The following ATXN3 variants were observed in gnomAD, a reference collection of about 807,000 sequenced individuals.
ATXN3 encodes the protein ataxin 3, also known as ataxin-3.
In ATXN3, 28 loss-of-function variants were observed where a neutral mutation model predicts 58.2. The ratio of observed to expected loss-of-function variants is 0.48; its 90% CI spans 0.36 to 0.66. ATXN3 has a LOEUF of 0.66. Ranked by LOEUF, ATXN3 falls within the 30% of genes least tolerant of loss-of-function variation. ATXN3 has a pLI of 0.00. For missense variants in ATXN3, 321 were observed against 422.1 expected (o/e 0.76, Z 2.10); for synonymous variants, 113 against 138.5 (o/e 0.82, Z 1.29).
At chr14:92,093,004 C>T (rs1365943759) in intron 5 of ATXN3, among the ~76,000 whole-genome samples, 4 of 150,884 alleles carry the variant, frequency 2.7e-5, no homozygotes, top group African/African-American at 9.7e-5. Flanking sequence ...GCTGGAATTA[C>T]AGATGTGAGC....
chr14:92,060,276 T>TTTTA lies in ATXN3; in HGVS notation c.*4043_*4044insTAAA, dbSNP rs2057686073. On this transcript the variant is annotated 3_prime_UTR_variant, in exon 11 of 11. Coordinates refer to ENST00000644486, the MANE Select transcript of ATXN3 (RefSeq NM_004993.6). Reference sequence around the variant, plus strand: ...TATATATATATATATATATATTTTTTTTTTTCAGAAACAGTGTCTCACTCT... The same window carrying TTTTA: ...TATATATATATATATATATATTTTTTTTTATTTTTCAGAAACAGTGTCTCACTCT... 1 of 145,172 alleles carries TTTTA rather than the reference T, an allele frequency of 6.9e-6. No homozygotes were observed. Among genetic ancestry groups the TTTTA allele is most frequent in the Admixed American group, 6.8e-5 (1 of 14,642 alleles). The allele number at this position is 145,172 out of a possible 1,614,324, so 9.0% of individuals were successfully genotyped here.
intron 9 of ATXN3, among the ~76,000 whole-genome samples, chr14:92,076,406 C>A (rs1050518630): frequency 3.9e-4 from 58 of 149,190 alleles, no homozygotes; most frequent in African/African-American, 1.3e-3. Context: ...CGAGATCGCG[C>A]CACTGCACTC....
intron 9 of ATXN3, among the ~76,000 whole-genome samples, chr14:92,078,437 A>G (rs1452040834): frequency 6.6e-6 from 1 of 151,844 alleles, no homozygotes; most frequent in East Asian, 1.9e-4. Flanking sequence ...ATCTCGGCTC[A>G]CCGCAACCTC....
intron 10 of ATXN3, among the ~76,000 whole-genome samples, chr14:92,068,739 C>T (rs915542730): frequency 8.6e-5 from 13 of 151,906 alleles, no homozygotes; most frequent in South Asian, 2.1e-4. Flanking sequence ...TACAGGCATG[C>T]GCCACCATGC....
At chr14:92,071,333 C>T (rs1280154464) in intron 9 of ATXN3, 1 of 538,232 alleles carries the variant, frequency 1.9e-6, no homozygotes, top group Admixed American at 2.5e-5. Context: ...TGGTGGCTCA[C>T]ACCTGTAATC....
chr14:92,048,664 C>A (rs1010658407), intron 1 of ATXN3, among the ~76,000 whole-genome samples: 1 of 151,994 alleles, frequency 6.6e-6, no homozygotes, highest in Non-Finnish European at 1.5e-5. Context: ...AATTGTTGGG[C>A]AGGTAGGGGA....
chr14:92,081,053 T>C lies in ATXN3; in HGVS notation c.784A>G (p.Arg262Gly). Reference sequence around the variant, plus strand: ...TGTGTCATATCTTGAGATATGTTTCTGGAACTACCTGAAAACAAAACACAA... The same window carrying C: ...TGTGTCATATCTTGAGATATGTTTCCGGAACTACCTGAAAACAAAACACAA... ...AIQLSMQGSS[R>G]NISQDMTQTS... is the part of the protein sequence containing the mutation. Residue 262 changes from arginine to glycine, a missense_variant, in exon 9 of 11, where the codon AGA becomes GGA. Arg to Gly is a moderately radical substitution (Grantham distance 125, BLOSUM62 -2). This residue lies in a region of ATXN3 where 200 missense variants were observed against 223.2 expected (regional missense o/e 0.90). Transcript: ENST00000644486. 6.2e-7 allele frequency: 1 copy of C among 1,600,900 alleles called. No individual in the cohort carries two copies. The highest frequency in any genetic ancestry group is 8.6e-7 in the Non-Finnish European group (1 of 1,169,092).
At chr14:92,049,348 C>G (rs936009060) in intron 1 of ATXN3, among the ~76,000 whole-genome samples, 13 of 152,154 alleles carry the variant, frequency 8.5e-5, no homozygotes, top group Non-Finnish European at 1.5e-4. Context: ...AAGACAGGCA[C>G]CCCCACGGTG....
At chr14:92,072,090 TTAAG>T (rs1383115533) in intron 9 of ATXN3, among the ~76,000 whole-genome samples, 3 of 152,220 alleles carry the variant, frequency 2.0e-5, no homozygotes, top group African/African-American at 7.2e-5. Flanking sequence ...TTATCAGATT[TTAAG>T]TAATACTGAT....
At chr14:92,068,095 A>G (rs1448214628) in intron 10 of ATXN3, among the ~76,000 whole-genome samples, 1 of 152,168 alleles carries the variant, frequency 6.6e-6, no homozygotes, top group East Asian at 1.9e-4. Flanking sequence ...TCACCCATAT[A>G]GGAGCCAGAG....
intron 1 of ATXN3, among the ~76,000 whole-genome samples, chr14:92,097,131 G>T (rs536830767): frequency 6.6e-6 from 1 of 151,820 alleles, no homozygotes; most frequent in Non-Finnish European, 1.5e-5. Context: ...GGATGGTCTT[G>T]ATCTCCTGAC....
intron 9 of ATXN3, 197 bp downstream of exon 9, chr14:92,080,768 T>C: frequency 1.8e-6 from 1 of 562,350 alleles, no homozygotes; most frequent in South Asian, 1.5e-5. Context: ...ACTCCTGACC[T>C]CAGGCAATCT....
intron 5 of ATXN3, chr14:92,090,413 T>G (rs895006716): frequency 3.9e-5 from 6 of 152,118 alleles, no homozygotes; most frequent in African/African-American, 1.4e-4. Flanking sequence ...CGGCCCTAAT[T>G]AACATCATTT....
At position 92,082,405 on chromosome 14, in the gene ATXN3, CGTCT is replaced by C. The variant is rs1566946861; in HGVS notation, c.666_669del (p.Asp223LysfsTer12). On this transcript the variant is annotated frameshift_variant, in exon 8 of 11. Coordinates refer to ENST00000644486, the MANE Select transcript of ATXN3 (RefSeq NM_004993.6). LOFTEE classifies it high-confidence loss of function. ...GCCCTCTGCAAATCCTCCTCATCTTCGTCTAACATTCCTGAGCCATCATTTGCTT... is the reference window on the plus strand; with the variant it reads ...GCCCTCTGCAAATCCTCCTCATCTTCAACATTCCTGAGCCATCATTTGCTT... The C allele has an allele frequency of 6.2e-7, 1 of 1,614,134 alleles. No homozygotes were observed. Among genetic ancestry groups the C allele is most frequent in the Non-Finnish European group, 8.5e-7 (1 of 1,180,006 alleles).
intron 3 of ATXN3, among the ~76,000 whole-genome samples, chr14:92,094,415 CT>C (rs1377442759): frequency 6.6e-6 from 1 of 152,186 alleles, no homozygotes; most frequent in Non-Finnish European, 1.5e-5. Flanking sequence ...CCCATAAGTG[CT>C]TTTCTTAAAA....
At chr14:92,087,171 T>G (rs1395933606) in intron 6 of ATXN3, among the ~76,000 whole-genome samples, 1 of 152,004 alleles carries the variant, frequency 6.6e-6, no homozygotes, top group Non-Finnish European at 1.5e-5. Context: ...ATAAACTTCT[T>G]GGAGAGTGGT....
At position 92,058,963 on chromosome 14, in the gene ATXN3, TA is replaced by T. The variant is rs903011779; in HGVS notation, c.*5356del. On this transcript the variant is annotated 3_prime_UTR_variant, in exon 11 of 11. Transcript: ENST00000644486. Reference sequence around the variant, plus strand: ...CCTCTTTCAAAAAAAAAAAAAGCATTAAAAAAATTCAGAAAACATTCCTTGA... The same window carrying T: ...CCTCTTTCAAAAAAAAAAAAAGCATTAAAAAATTCAGAAAACATTCCTTGA... 3.3e-5 allele frequency: 5 copies of T among 151,952 alleles called. No homozygotes were observed. The highest frequency in any genetic ancestry group is 1.2e-4 in the African/African-American group (5 of 41,378). The allele number at this position is 151,952 out of a possible 1,614,324, so 9.4% of individuals were successfully genotyped here.
intron 9 of ATXN3, among the ~76,000 whole-genome samples, chr14:92,074,814 T>A (rs1414927601): frequency 6.6e-6 from 1 of 152,224 alleles, no homozygotes; most frequent in East Asian, 1.9e-4. Context: ...TCCATGTCCA[T>A]GAAGATATTT....
intron 2 of ATXN3, among the ~76,000 whole-genome samples, chr14:92,047,059 A>G (rs1474121541): frequency 6.6e-6 from 1 of 152,252 alleles, no homozygotes; most frequent in Non-Finnish European, 1.5e-5. Context: ...GGCTGAAGTA[A>G]TGAGGGCTGT....
Sources: gnomAD v4.1 joint callset for allele counts (sites outside exome capture counted in the v4.1 genomes callset) on GRCh38, gnomAD v4.1.1 for gene constraint, gnomAD v4.1.1 regional missense constraint, MANE v1.5 for transcripts, NCBI Gene and HGNC (gene_info 2026-07-23, HGNC 2026-07-21) for gene names.